TANC1: variants seen among roughly 807,000 people sequenced by gnomAD.
TANC1 encodes protein TANC1.
Under a neutral mutation model 149.7 loss-of-function variants are expected in TANC1, and 77 were observed. That is an observed-to-expected ratio of 0.51 (90% CI 0.43 to 0.62). The LOEUF (loss-of-function observed/expected upper bound fraction) is 0.62, where lower values mean the gene tolerates loss of function less well. TANC1 is among the 20% of genes least tolerant of loss of function. The probability of loss-of-function intolerance (pLI) is 0.00; values close to 1 mark genes in which losing one functional copy is unlikely to be tolerated. For synonymous variants in TANC1, 854 were observed against 925.0 expected (o/e 0.92, Z 1.39); for missense variants, 1,985 against 2,321.8 (o/e 0.85, Z 2.98).
intron 5 of TANC1, among the ~76,000 whole-genome samples, chr2:159,139,079 G>T (rs1449330500): frequency 1.3e-5 from 2 of 152,086 alleles, no homozygotes; most frequent in African/African-American, 4.8e-5. Flanking sequence ...GTTTCTTAAA[G>T]CTTGCAAGCT....
At chr2:158,994,417 G>T (rs1218503055) in intron 1 of TANC1, among the ~76,000 whole-genome samples, 1 of 152,122 alleles carries the variant, frequency 6.6e-6, no homozygotes, top group African/African-American at 2.4e-5. Flanking sequence ...CTACAGGCAA[G>T]TGCTACCAAA....
At chr2:158,986,486 G>A (rs1335838081) in intron 1 of TANC1, among the ~76,000 whole-genome samples, 1 of 152,158 alleles carries the variant, frequency 6.6e-6, no homozygotes, top group African/African-American at 2.4e-5. Context: ...AGGAGGGCAT[G>A]GTTAATGCCT....
At chr2:159,133,270 C>T (rs2050291210) in intron 4 of TANC1, among the ~76,000 whole-genome samples, 3 of 151,798 alleles carry the variant, frequency 2.0e-5, no homozygotes, top group African/African-American at 7.3e-5. Flanking sequence ...GAAAATATGT[C>T]AGCAGTTCAT....
chr2:159,116,097 G>C (rs1368770609), intron 4 of TANC1, among the ~76,000 whole-genome samples: 1 of 152,134 alleles, frequency 6.6e-6, no homozygotes, highest in African/African-American at 2.4e-5. Context: ...ATCTGACGCA[G>C]AGGCTGTGAA....
At position 159,170,721 on chromosome 2, in the gene TANC1, A is replaced by G. The variant is rs374464975; in HGVS notation, c.1267A>G (p.Ile423Val). Residue 423 changes from isoleucine (I) to valine (V), a missense_variant, in exon 10 of 27, where the codon ATC becomes GTC. This residue lies in a region of TANC1 where 557 missense variants were observed against 612.9 expected (regional missense o/e 0.91). Coordinates refer to ENST00000263635, the MANE Select transcript of TANC1 (RefSeq NM_033394.3). ...CAATGTGGGATTTGGGAAGACGGCA[A>G]TCATTTCCAAGTTGGTGGCCCTGAG... ...VGNVGFGKTAIISKLVALSCH... is the reference protein window; with the variant it reads ...VGNVGFGKTAVISKLVALSCH... The G allele has an allele frequency of 1.2e-5, 19 of 1,614,074 alleles. No individual in the cohort carries two copies. Among genetic ancestry groups the G allele is most frequent in the African/African-American group, 8.0e-5 (6 of 74,930 alleles).
chr2:158,992,593 C>G (rs1271700138), intron 1 of TANC1, among the ~76,000 whole-genome samples: 11 of 152,046 alleles, frequency 7.2e-5, no homozygotes, highest in Non-Finnish European at 1.5e-5. Context: ...AGTTCTGCCT[C>G]CAGGGTTCAT....
At chr2:159,051,715 C>T (rs924313315) in intron 2 of TANC1, among the ~76,000 whole-genome samples, 2 of 148,984 alleles carry the variant, frequency 1.3e-5, no homozygotes, top group African/African-American at 4.9e-5. Flanking sequence ...GGTTTGGATG[C>T]CTTCAGTTTA....
chr2:159,120,700 A>G (rs1559297368), intron 4 of TANC1, among the ~76,000 whole-genome samples: 2 of 152,140 alleles, frequency 1.3e-5, no homozygotes, highest in Admixed American at 6.5e-5. Context: ...TCAACCTCCC[A>G]AGCTCAAGTG....
At chr2:159,174,048 A>G (rs1476981693) in intron 11 of TANC1, among the ~76,000 whole-genome samples, 1 of 152,240 alleles carries the variant, frequency 6.6e-6, no homozygotes, top group African/African-American at 2.4e-5. Context: ...CCAGTGGGAC[A>G]GCAGCAAGGC....
chr2:159,224,406 C>G, intron 23 of TANC1, 42 bp downstream of exon 23: 1 of 1,612,678 alleles, frequency 6.2e-7, no homozygotes, highest in Non-Finnish European at 8.5e-7. Flanking sequence ...GAGCGGTGAG[C>G]TCCCGATTGT....
chr2:159,228,854 A>T lies in TANC1; in HGVS notation c.4109A>T (p.Tyr1370Phe). 3.1e-6 allele frequency: 5 copies of T among 1,614,182 alleles called. No individual in the cohort carries two copies. Among genetic ancestry groups the T allele is most frequent in the South Asian group, 1.1e-5 (1 of 91,088 alleles). Residue 1370 changes from tyrosine (Y) to phenylalanine (F), a missense_variant, in exon 26 of 27, where the codon TAT becomes TTT. Physicochemically the swap from Tyr to Phe is conservative, Grantham distance 22 (BLOSUM62 3). This residue lies in a region of TANC1 where 920 missense variants were observed against 994.7 expected (regional missense o/e 0.92). Transcript: ENST00000263635. ...SKALELKPKS[Y>F]EAFYARARAK... is the part of the protein sequence containing the mutation. ...GCTCTCGAATTGAAGCCCAAGTCCTATGAAGCCTTTTATGCCAGAGCAAGA... is the reference window on the plus strand; with the variant it reads ...GCTCTCGAATTGAAGCCCAAGTCCTTTGAAGCCTTTTATGCCAGAGCAAGA...
chr2:159,061,171 A>G (rs2042208781), intron 2 of TANC1, among the ~76,000 whole-genome samples: 1 of 152,202 alleles, frequency 6.6e-6, no homozygotes. Context: ...TTTTCTCCTC[A>G]ATGAACGTTA....
At chr2:158,997,294 G>A (rs1368002911) in intron 1 of TANC1, among the ~76,000 whole-genome samples, 2 of 152,294 alleles carry the variant, frequency 1.3e-5, no homozygotes, top group East Asian at 3.9e-4. Flanking sequence ...AGCTGGAGAG[G>A]AAAGTCAAAG....
intron 18 of TANC1, among the ~76,000 whole-genome samples, chr2:159,197,424 C>G (rs1252125594): frequency 6.6e-6 from 1 of 152,120 alleles, no homozygotes; most frequent in African/African-American, 2.4e-5. Context: ...CTGTGTATTT[C>G]TTACTCTGAA....
chr2:159,084,441 C>T (rs1035107802), intron 3 of TANC1, among the ~76,000 whole-genome samples: 4 of 152,026 alleles, frequency 2.6e-5, no homozygotes, highest in Non-Finnish European at 5.9e-5. Flanking sequence ...TAAATACTGC[C>T]TAGAAACATT....
At position 159,141,659 on chromosome 2, in the gene TANC1, AAG is replaced by A. The variant is rs1469068183; in HGVS notation, c.364+5364_364+5365del. Among the ~76,000 whole-genome samples, 5 of 152,248 alleles carry A rather than the reference AAG, an allele frequency of 3.3e-5. No homozygotes were observed. The South Asian group carries it at 8.3e-4, about 25-fold the overall frequency. On this transcript the variant is annotated intron_variant, in intron 5 of 26. Coordinates refer to ENST00000263635, the MANE Select transcript of TANC1 (RefSeq NM_033394.3). ...TGGAAAATCAAACTGGGTATCAAGA[AAG>A]AGCTCAGGATATAAACTGGTCAGCC... is the stretch of plus-strand genomic sequence containing the variant.
In TANC1 at chr2:158,981,494, TA is replaced by T. The variant is rs2034328592; in HGVS notation, c.-126+12713del. On this transcript the variant is annotated intron_variant, in intron 1 of 26. Transcript: ENST00000263635. ...TTTAGCAATTAATATATAGCTTTTA[TA>T]TATATATATATATATATATATATAT... Among the ~76,000 whole-genome samples, 161 of 6,302 alleles carry T rather than the reference TA, an allele frequency of 0.026. 8 individuals carry two copies. The East Asian group carries it at 0.37, about 15-fold the overall frequency. The allele number at this position is 6,302 out of a possible 152,430, so 4.1% of individuals were successfully genotyped here. A position where few individuals can be genotyped will look rare whatever the true frequency, so the allele number is the denominator to read the frequency against.
At chr2:159,187,655 C>T (rs2057102614) in intron 16 of TANC1, among the ~76,000 whole-genome samples, 1 of 152,146 alleles carries the variant, frequency 6.6e-6, no homozygotes, top group African/African-American at 2.4e-5. Flanking sequence ...GCCACAGAGA[C>T]AGTGTCCAGG....
At chr2:159,034,761 G>T (rs2040048329) in intron 2 of TANC1, among the ~76,000 whole-genome samples, 1 of 152,204 alleles carries the variant, frequency 6.6e-6, no homozygotes, top group South Asian at 2.1e-4. Context: ...TTAAATAGCA[G>T]CATTCAACAT....
Sources: gnomAD v4.1 joint callset for allele counts (sites outside exome capture counted in the v4.1 genomes callset) on GRCh38, gnomAD v4.1.1 for gene constraint, gnomAD v4.1.1 regional missense constraint, MANE v1.5 for transcripts, NCBI Gene and HGNC (gene_info 2026-07-23, HGNC 2026-07-21) for gene names.